ATP6V1E1: variants seen among roughly 807,000 people sequenced by gnomAD.
The protein encoded by ATP6V1E1 is V-type proton ATPase subunit E 1.
In ATP6V1E1, 21 loss-of-function variants were observed where a neutral mutation model predicts 35.2. The observed-to-expected ratio is 0.60, with a 90% confidence interval of 0.42 to 0.86. ATP6V1E1 has a LOEUF of 0.86. ATP6V1E1 is among the 40% of genes least tolerant of loss of function. The probability of loss-of-function intolerance (pLI) is 0.00; values close to 1 mark genes in which losing one functional copy is unlikely to be tolerated. For missense variants in ATP6V1E1, 183 were observed against 272.6 expected (o/e 0.67, Z 2.32); for synonymous variants, 83 against 87.8 (o/e 0.95, Z 0.30).
intron 1 of ATP6V1E1, among the ~76,000 whole-genome samples, chr22:17,627,818 C>CAAA (rs71201846): frequency 5.7e-5 from 6 of 105,114 alleles, no homozygotes; most frequent in African/African-American, 1.3e-4. Context: ...GACTCCGTCT[C>CAAA]AAAAAAAAAA....
At chr22:17,605,121 C>A (rs2057779311) in intron 4 of ATP6V1E1, among the ~76,000 whole-genome samples, 1 of 146,144 alleles carries the variant, frequency 6.8e-6, no homozygotes, top group Non-Finnish European at 1.5e-5. Flanking sequence ...AGGAGAATCG[C>A]TTGAACCCGG....
In ATP6V1E1 at chr22:17,608,647, C is replaced by G. The variant is rs572914077; in HGVS notation, c.276+4165G>C. 2.0e-5 allele frequency among the ~76,000 whole-genome samples: 3 copies of G among 152,338 alleles called. No homozygotes were observed. In the South Asian group the frequency reaches 6.2e-4, roughly 32 times the overall value. On this transcript the variant is annotated intron_variant, in intron 4 of 8. Transcript: ENST00000253413. ...CTCCCTATATTTATCAGACTGGTCTCAAACTCTTGGCCTCAAGCCACACTC... is the reference window on the plus strand; with the variant it reads ...CTCCCTATATTTATCAGACTGGTCTGAAACTCTTGGCCTCAAGCCACACTC...
intron 8 of ATP6V1E1, among the ~76,000 whole-genome samples, chr22:17,594,030 C>T (rs1482330288): frequency 6.6e-6 from 1 of 152,134 alleles, no homozygotes; most frequent in East Asian, 1.9e-4. Context: ...TGGTGAAACC[C>T]CGTCTCTACT....
intron 1 of ATP6V1E1, among the ~76,000 whole-genome samples, chr22:17,627,024 C>A (rs1983833840): frequency 6.6e-6 from 1 of 151,890 alleles, no homozygotes; most frequent in Admixed American, 6.6e-5. Context: ...GAGTCTCACT[C>A]TGTCACCCAG....
chr22:17,612,822 T>G lies in ATP6V1E1; in HGVS notation c.266A>C (p.Asp89Ala). 1.2e-6 allele frequency: 2 copies of G among 1,603,642 alleles called. No individual in the cohort carries two copies. The highest frequency in any genetic ancestry group is 1.7e-6 in the Non-Finnish European group (2 of 1,177,378). ...GGGCTAATTACTCACTGTGATAAGG[T>G]CATCTCTTGCTCTGAGGACTTTGAG... ...ARLKVLRARD[D>A]LITDLLNEAK... is the part of the protein sequence containing the mutation. Residue 89 changes from aspartate to alanine, a missense_variant, in exon 4 of 9, where the codon GAC becomes GCC. Physicochemically the swap from Asp to Ala is moderately radical, Grantham distance 126. Coordinates refer to ENST00000253413, the MANE Select transcript of ATP6V1E1 (RefSeq NM_001696.4).
chr22:17,597,353 TTGTCAGGAGTTTC>T (rs1455523196), intron 7 of ATP6V1E1, among the ~76,000 whole-genome samples: 1 of 151,814 alleles, frequency 6.6e-6, no homozygotes, highest in Non-Finnish European at 1.5e-5. Flanking sequence ...GGCTCTCCCC[TTGTCAGGAGTTTC>T]TACTGCCTAC....
intron 1 of ATP6V1E1, among the ~76,000 whole-genome samples, chr22:17,623,429 T>C (rs933360327): frequency 8.5e-5 from 13 of 152,244 alleles, no homozygotes; most frequent in South Asian, 6.2e-4. Flanking sequence ...TCCCAGCACT[T>C]TGGGAGGCCA....
chr22:17,598,938 G>A lies in ATP6V1E1; in HGVS notation c.436-650C>T, dbSNP rs150344636. On this transcript the variant is annotated intron_variant, in intron 6 of 8. Transcript: ENST00000253413. ...CCCAAGTGTCCAGTGACAGATGAAC[G>A]GATAAACACAACGTGGGGCATCCAT... Among the ~76,000 whole-genome samples, 99 of 152,200 alleles carry A rather than the reference G, an allele frequency of 6.5e-4. 1 individual carries two copies. The highest frequency in any genetic ancestry group is 6.8e-3 in the Middle Eastern group (2 of 294).
rs138172225 is a variant in ATP6V1E1, at chr22:17,624,498, G to A, written c.33+4105C>T. On this transcript the variant is annotated intron_variant, in intron 1 of 8. Coordinates refer to ENST00000253413, the MANE Select transcript of ATP6V1E1 (RefSeq NM_001696.4). ...GAACCCGGGAGGCAGAGGCTGCAGT[G>A]AGCTGAGATCACGCCATGGCACTCC... Among the ~76,000 whole-genome samples, 10 of 151,202 alleles carry A rather than the reference G, an allele frequency of 6.6e-5. No homozygotes were observed. The East Asian group carries it at 2.0e-3, about 30-fold the overall frequency.
At chr22:17,613,418 T>A in intron 2 of ATP6V1E1, 98 bp from the exon 3 acceptor site, 1 of 878,018 alleles carries the variant, frequency 1.1e-6, no homozygotes, top group Non-Finnish European at 1.8e-6. Context: ...GAACACTAAT[T>A]TCATATATAA....
At position 17,601,072 on chromosome 22, in the gene ATP6V1E1, G is replaced by T; in HGVS notation, c.366+20C>A. The T allele has an allele frequency of 1.2e-6, 2 of 1,601,556 alleles. No homozygotes were observed. The highest frequency in any genetic ancestry group is 1.7e-6 in the Non-Finnish European group (2 of 1,171,458). On this transcript the variant is annotated intron_variant, in intron 5 of 8. Transcript: ENST00000253413. Reference sequence around the variant, plus strand: ...CTCAGAACTGTGGCTATCAACAGTAGATCTGGTCTATGAGGGTACCTGGAG... The same window carrying T: ...CTCAGAACTGTGGCTATCAACAGTATATCTGGTCTATGAGGGTACCTGGAG...
chr22:17,595,595 C>T (rs1261522511), intron 7 of ATP6V1E1, among the ~76,000 whole-genome samples: 2 of 152,110 alleles, frequency 1.3e-5, no homozygotes, highest in Non-Finnish European at 2.9e-5. Context: ...TTTGGGAGGC[C>T]GAGGTGCTCC....
At chr22:17,602,880 A>G (rs5992757) in intron 4 of ATP6V1E1, among the ~76,000 whole-genome samples, 52,892 of 152,114 alleles carry the variant, frequency 0.35, 9,537 homozygotes, top group African/African-American at 0.41. Flanking sequence ...ATAATTGTAA[A>G]TAAAGTTAAA....
At chr22:17,609,705 G>A (rs1259650344) in intron 4 of ATP6V1E1, among the ~76,000 whole-genome samples, 1 of 149,584 alleles carries the variant, frequency 6.7e-6, no homozygotes, top group Non-Finnish European at 1.5e-5. Context: ...TCCTGACCTC[G>A]TGATCCGCCC....
In ATP6V1E1 at chr22:17,619,357, C is replaced by A. The variant is rs904387361; in HGVS notation, c.99+104G>T. ...GGAAGGAAGAGACATTTTTATCAGT[C>A]CGATGCAATCTGTTGTTAAGCAGTT... On this transcript the variant is annotated intron_variant, in intron 2 of 8. Coordinates refer to ENST00000253413, the MANE Select transcript of ATP6V1E1 (RefSeq NM_001696.4). 12 of 1,018,852 alleles carry A rather than the reference C, an allele frequency of 1.2e-5. No individual in the cohort carries two copies. The Admixed American group carries it at 2.5e-4, about 21-fold the overall frequency. 63.1% of individuals were successfully genotyped at this position (1,018,852 alleles called of 1,614,324 possible).
At chr22:17,614,275 G>A (rs1282841284) in intron 2 of ATP6V1E1, among the ~76,000 whole-genome samples, 1 of 151,718 alleles carries the variant, frequency 6.6e-6, no homozygotes, top group African/African-American at 2.4e-5. Flanking sequence ...GCTTGAACCT[G>A]GGAGGCGGAG....
chr22:17,616,639 A>G (rs1269976275), intron 2 of ATP6V1E1, among the ~76,000 whole-genome samples: 3 of 147,722 alleles, frequency 2.0e-5, no homozygotes, highest in Non-Finnish European at 4.4e-5. Context: ...AGATCGCGCC[A>G]CTGCACTCCA....
intron 1 of ATP6V1E1, among the ~76,000 whole-genome samples, chr22:17,627,656 T>TA (rs35012781): frequency 3.1e-4 from 47 of 149,620 alleles, no homozygotes; most frequent in South Asian, 2.4e-3. Flanking sequence ...CTGCCTCTAC[T>TA]AAAAAAAATA....
chr22:17,602,654 C>G (rs977740218), intron 4 of ATP6V1E1, among the ~76,000 whole-genome samples: 1 of 152,178 alleles, frequency 6.6e-6, no homozygotes, highest in South Asian at 2.1e-4. Flanking sequence ...GGATTACAGG[C>G]GTGAGCCACC....
Sources: gnomAD v4.1 joint callset for allele counts (sites outside exome capture counted in the v4.1 genomes callset) on GRCh38, gnomAD v4.1.1 for gene constraint, MANE v1.5 for transcripts, NCBI Gene and HGNC (gene_info 2026-07-23, HGNC 2026-07-21) for gene names.